Variants in PRTG observed in about 807,000 individuals in gnomAD.
The protein encoded by PRTG is protogenin.
PRTG carries 67 observed loss-of-function variants against 122.5 expected under a neutral mutation model. The observed-to-expected ratio is 0.55, with a 90% CI of 0.45 to 0.67. The LOEUF (loss-of-function observed/expected upper bound fraction) is 0.67, where lower values mean the gene tolerates loss of function less well. Among genes scored for constraint, PRTG ranks in the 30% least tolerant of loss-of-function variants. The probability of loss-of-function intolerance (pLI) is 0.00; values close to 1 mark genes in which losing one functional copy is unlikely to be tolerated. For synonymous variants in PRTG, 554 were observed against 501.1 expected, an observed-to-expected ratio of 1.11 and a Z score of -1.41; for missense variants, 1,435 against 1,415.4, an observed-to-expected ratio of 1.01 and a Z score of -0.22.
chr15:55,697,779 C>T lies in PRTG; in HGVS notation c.398-13848G>A, dbSNP rs371800721. Among the ~76,000 whole-genome samples, 9 of 152,248 alleles carry T rather than the reference C, an allele frequency of 5.9e-5. No homozygotes were observed. In the South Asian group the frequency reaches 1.7e-3, roughly 28 times the overall value. On this transcript the variant is annotated intron_variant, in intron 2 of 19. Coordinates refer to ENST00000389286, the MANE Select transcript of PRTG (RefSeq NM_173814.6). ...TACAGGGATTACAGGCGTGAGCCAC[C>T]GCGCCCAGCCTCAAATTTCTTACTT...
intron 15 of PRTG, among the ~76,000 whole-genome samples, chr15:55,635,817 G>A (rs1034594856): frequency 2.0e-5 from 3 of 152,110 alleles, no homozygotes; most frequent in African/African-American, 7.2e-5. Context: ...AAAGTACAAT[G>A]TATGTGGGAG....
chr15:55,737,976 T>TTCTTTC (rs1555438555), intron 2 of PRTG, among the ~76,000 whole-genome samples: 7 of 91,802 alleles, frequency 7.6e-5, no homozygotes, highest in African/African-American at 3.4e-4. Context: ...TTAATGCCTA[T>TTCTTTC]TCTCTCTCTC....
intron 2 of PRTG, among the ~76,000 whole-genome samples, chr15:55,712,828 C>A (rs1431544634): frequency 6.6e-6 from 1 of 151,674 alleles, no homozygotes; most frequent in Non-Finnish European, 1.5e-5. Flanking sequence ...CTCAAGCAAA[C>A]AAAAAAAATT....
In PRTG at chr15:55,619,826, C is replaced by A; in HGVS notation, c.*186G>T. The A allele has an allele frequency of 1.1e-6, 1 of 941,970 alleles. No homozygotes were observed. Among genetic ancestry groups the A allele is most frequent in the Non-Finnish European group, 1.5e-6 (1 of 655,126 alleles). 58.4% of individuals were successfully genotyped at this position (941,970 alleles called of 1,614,324 possible). ...GGTTCCCTGTTCATTGTCCTTCGAA[C>A]AGATTTAATGGTGAGAATACCTGAG... is the stretch of plus-strand genomic sequence containing the variant. On this transcript the variant is annotated 3_prime_UTR_variant, in exon 20 of 20. Transcript: ENST00000389286.
At chr15:55,740,338 T>C in intron 2 of PRTG, 44 bp downstream of exon 2, 1 of 1,495,968 alleles carries the variant, frequency 6.7e-7, no homozygotes, top group Non-Finnish European at 9.0e-7. Context: ...ATCATCAAAA[T>C]GTAGCAATGA....
At chr15:55,728,956 A>G (rs539646681) in intron 2 of PRTG, among the ~76,000 whole-genome samples, 122 of 152,374 alleles carry the variant, frequency 8.0e-4, no homozygotes, top group African/African-American at 2.8e-3. Context: ...CAACAGCAAT[A>G]AAGTAATTGA....
In PRTG at chr15:55,638,573, C is replaced by A. The variant is rs780955691; in HGVS notation, c.2428G>T (p.Val810Phe). ...DQLSSPWSPVVYHSTLPEAPA... is the reference protein window; with the variant it reads ...DQLSSPWSPVFYHSTLPEAPA... Reference sequence around the variant, plus strand: ...CCTTCTGGAAGAGTAGAATGGTAGACTACAGGGCTCCAAGGACTGGAAAGC... The same window carrying A: ...CCTTCTGGAAGAGTAGAATGGTAGAATACAGGGCTCCAAGGACTGGAAAGC... The change falls in exon 14 of 20, where the codon GTC (valine) becomes TTC (phenylalanine). Residue 810 changes from valine (V) to phenylalanine (F), a missense_variant. Coordinates refer to ENST00000389286, the MANE Select transcript of PRTG (RefSeq NM_173814.6). The A allele has an allele frequency of 1.2e-6, 2 of 1,612,724 alleles. No individual in the cohort carries two copies. The highest frequency in any genetic ancestry group is 1.3e-5 in the African/African-American group (1 of 74,814).
In PRTG at chr15:55,680,056, A is replaced by G; in HGVS notation, c.971T>C (p.Leu324Ser). Residue 324 changes from leucine to serine, a missense_variant and splice_region_variant, in exon 6 of 20, where the codon TTA becomes TCA. Physicochemically the swap from Leu to Ser is moderately radical, Grantham distance 145 (BLOSUM62 -2). Transcript: ENST00000389286. ...ATTGCAGAATGAAAGGAACATACCT[A>G]ATACAGTTAAAGTTGCCATAGCAAC... The part of the protein sequence containing the change: ...FTVAMATLTV[L>S]APPSFVEWPE... 2.5e-6 allele frequency: 4 copies of G among 1,613,112 alleles called. No homozygotes were observed. The highest frequency in any genetic ancestry group is 3.4e-6 in the Non-Finnish European group (4 of 1,179,208).
chr15:55,684,323 A>G (rs1335088588), intron 2 of PRTG, among the ~76,000 whole-genome samples: 1 of 152,236 alleles, frequency 6.6e-6, no homozygotes, highest in Non-Finnish European at 1.5e-5. Flanking sequence ...AACCATTTAC[A>G]GGAACTGGTT....
intron 2 of PRTG, among the ~76,000 whole-genome samples, chr15:55,696,184 A>G (rs59820715): frequency 0.12 from 17,902 of 152,062 alleles, 1,266 homozygotes; most frequent in East Asian, 0.28. Flanking sequence ...GGATCACTTG[A>G]GCCTGGGAGG....
intron 11 of PRTG, among the ~76,000 whole-genome samples, chr15:55,653,794 A>G (rs543055877): frequency 1.3e-5 from 2 of 152,136 alleles, no homozygotes; most frequent in Admixed American, 6.5e-5. Flanking sequence ...ACCTCCCCCA[A>G]ATGACTGGGA....
chr15:55,728,446 G>A (rs2031116847), intron 2 of PRTG, among the ~76,000 whole-genome samples: 1 of 152,136 alleles, frequency 6.6e-6, no homozygotes, highest in African/African-American at 2.4e-5. Flanking sequence ...TCCCAGGAAT[G>A]TAAAAGTTGT....
intron 15 of PRTG, among the ~76,000 whole-genome samples, chr15:55,632,338 G>A (rs907480285): frequency 6.6e-6 from 1 of 151,814 alleles, no homozygotes; most frequent in African/African-American, 2.4e-5. Flanking sequence ...TACCACTCCT[G>A]TCCAAGCCCT....
chr15:55,701,928 G>A (rs1257036134), intron 2 of PRTG, among the ~76,000 whole-genome samples: 1 of 152,080 alleles, frequency 6.6e-6, no homozygotes, highest in Admixed American at 6.5e-5. Context: ...AGGAGTCAGG[G>A]GAGAGAGAGG....
At chr15:55,740,728 C>G in intron 1 of PRTG, 44 bp from the exon 2 acceptor site, 1 of 1,515,350 alleles carries the variant, frequency 6.6e-7, no homozygotes, top group South Asian at 1.2e-5. Context: ...GAATTACAGG[C>G]ATAAAATGAT....
intron 4 of PRTG, 23 bp downstream of exon 4, chr15:55,682,341 G>A (rs1235097049): frequency 8.4e-6 from 13 of 1,542,830 alleles, no homozygotes; most frequent in Non-Finnish European, 1.1e-5. Flanking sequence ...TCATAAAAAT[G>A]GAAAAACCAC....
At chr15:55,628,710 C>T (rs546228868) in intron 16 of PRTG, 112 bp downstream of exon 16, 7 of 805,620 alleles carry the variant, frequency 8.7e-6, no homozygotes, top group African/African-American at 3.4e-5. Flanking sequence ...CAACAACTTA[C>T]GGAACTGAGA....
At chr15:55,635,216 C>T (rs1250161747) in intron 15 of PRTG, among the ~76,000 whole-genome samples, 2 of 152,184 alleles carry the variant, frequency 1.3e-5, no homozygotes, top group African/African-American at 4.8e-5. Context: ...CTCAGCCTCC[C>T]GAGTAGTTGG....
chr15:55,692,290 A>T (rs1377621262), intron 2 of PRTG, among the ~76,000 whole-genome samples: 1 of 152,154 alleles, frequency 6.6e-6, no homozygotes, highest in Non-Finnish European at 1.5e-5. Context: ...ACTAGTTAAG[A>T]GACTATCAGA....
Sources: allele counts gnomAD v4.1 joint callset (sites outside exome capture counted in the v4.1 genomes callset), GRCh38; gene constraint gnomAD v4.1.1; transcripts MANE v1.5; gene names NCBI Gene and HGNC (gene_info 2026-07-23, HGNC 2026-07-21).